Variants in LRP10 observed in about 807,000 individuals in gnomAD.
LRP10 encodes low-density lipoprotein receptor-related protein 10.
In LRP10, 42 loss-of-function variants were observed where a neutral mutation model predicts 58.5. The ratio of observed to expected loss-of-function variants is 0.72; its 90% CI spans 0.56 to 0.93. The LOEUF (loss-of-function observed/expected upper bound fraction) is 0.93, where lower values mean the gene tolerates loss of function less well. Among genes scored for constraint, LRP10 ranks in the 40% least tolerant of loss-of-function variants. The probability of loss-of-function intolerance (pLI) is 0.00; values close to 1 mark genes in which losing one functional copy is unlikely to be tolerated. For synonymous variants in LRP10, 377 were observed against 388.5 expected (o/e 0.97, Z 0.35); for missense variants, 872 against 940.1 (o/e 0.93, Z 0.95).
rs569902563 is a variant in LRP10 at position 22,877,302 on chromosome 14, G to A, written c.1917G>A (p.Gly639=). 801 of 1,611,918 alleles carry A rather than the reference G, an allele frequency of 5.0e-4. 12 individuals are homozygous for A. In the South Asian group the frequency reaches 8.3e-3, roughly 17 times the overall value. ...PAPTTVPEAP[G]PLPSLPLEPS... is the part of the protein sequence containing the mutation. ...CCACTACTGTCCCTGAAGCCCCAGGGCCACTGCCCTCACTGCCCCTAGAGC... is the reference window on the plus strand; with the variant it reads ...CCACTACTGTCCCTGAAGCCCCAGGACCACTGCCCTCACTGCCCCTAGAGC... Residue 639 remains glycine (G), a synonymous_variant, in exon 7 of 7, where the codon GGG becomes GGA. Transcript: ENST00000359591. This position sits in a 1 kb window ranked among gnomAD's most constrained non-coding sequence, Gnocchi z 5.1.
chr14:22,876,522 C>G, intron 5 of LRP10, 150 bp downstream of exon 5: 1 of 1,325,554 alleles, frequency 7.5e-7, no homozygotes. Flanking sequence ...AGGTCCAGAT[C>G]CTGAAAGCAG....
At position 22,876,134 on chromosome 14, in the gene LRP10, T is replaced by C. The variant is rs2040002921; in HGVS notation, c.1186T>C (p.Cys396Arg). ...FCADGADERR[C>R]RHCQPGNFRC... ...TGCTGATGGAGCAGATGAGAGACGCTGTCGGCATTGCCAGCCTGGCAATTT... is the reference window on the plus strand; with the variant it reads ...TGCTGATGGAGCAGATGAGAGACGCCGTCGGCATTGCCAGCCTGGCAATTT... The change falls in exon 5 of 7, where the codon TGT (cysteine) becomes CGT (arginine). Residue 396 changes from cysteine (C) to arginine (R), a missense_variant. Transcript: ENST00000359591. 1.2e-6 allele frequency: 2 copies of C among 1,614,214 alleles called. No homozygotes were observed. Among genetic ancestry groups the C allele is most frequent in the Non-Finnish European group, 8.5e-7 (1 of 1,180,048 alleles).
In LRP10 at chr14:22,875,542, C is replaced by G; in HGVS notation, c.594C>G (p.Asp198Glu). ...TGCCTTGCAATGTCACCTTGGAGGA[C>G]TTCTATGGGGTCTTCTCCTCTCCTG... The part of the protein sequence containing the change: ...PSLPCNVTLE[D>E]FYGVFSSPGY... The change falls in exon 5 of 7, where the codon GAC (aspartate) becomes GAG (glutamate). Residue 198 changes from aspartate to glutamate, a missense_variant. Asp to Glu is a conservative substitution (Grantham distance 45, BLOSUM62 2). Coordinates refer to ENST00000359591, the MANE Select transcript of LRP10 (RefSeq NM_014045.5). 1 of 1,614,160 alleles carries G rather than the reference C, an allele frequency of 6.2e-7. No individual in the cohort carries two copies. The highest frequency in any genetic ancestry group is 1.1e-5 in the South Asian group (1 of 91,084).
intron 3 of LRP10, among the ~76,000 whole-genome samples, chr14:22,874,265 A>G (rs910657924): frequency 1.3e-5 from 2 of 152,198 alleles, no homozygotes; most frequent in African/African-American, 4.8e-5. Flanking sequence ...GTAGGCAAAG[A>G]GAGAGGGCAA....
rs1238236489 is a variant in LRP10, at chr14:22,879,458, C to G, written c.*1931C>G. 1.5e-5 allele frequency: 4 copies of G among 264,710 alleles called. No homozygotes were observed. Among genetic ancestry groups the G allele is most frequent in the Non-Finnish European group, 3.2e-5 (4 of 123,744 alleles). 16.4% of individuals were successfully genotyped at this position (264,710 alleles called of 1,614,324 possible). A position where few individuals can be genotyped will look rare whatever the true frequency, so the allele number is the denominator to read the frequency against. On this transcript the variant is annotated 3_prime_UTR_variant, in exon 7 of 7. Coordinates refer to ENST00000359591, the MANE Select transcript of LRP10 (RefSeq NM_014045.5). Reference sequence around the variant, plus strand: ...AGCAGTGATTTTCCCTCCCCTGCCTCTCCATAGCCTGGTCTTTTGCCCTCT... The same window carrying G: ...AGCAGTGATTTTCCCTCCCCTGCCTGTCCATAGCCTGGTCTTTTGCCCTCT...
rs756930735 is a variant in LRP10 at position 22,877,166 on chromosome 14, G to A, written c.1781G>A (p.Gly594Asp). The change falls in exon 7 of 7, where the codon GGT becomes GAT. Residue 594 changes from glycine (G) to aspartate (D), a missense_variant. Gly to Asp is a moderately conservative substitution (Grantham distance 94, BLOSUM62 -1). Coordinates refer to ENST00000359591, the MANE Select transcript of LRP10 (RefSeq NM_014045.5). The surrounding 1 kb of genome is among the most constrained non-coding windows in gnomAD (Gnocchi z 5.1). ...PSAAPLEALD[G>D]GTGPAREGGA... ...GCTGCTCCCCTTGAGGCCCTAGATGGTGGCACAGGTCCAGCCCGTGAGGGC... is the reference window on the plus strand; with the variant it reads ...GCTGCTCCCCTTGAGGCCCTAGATGATGGCACAGGTCCAGCCCGTGAGGGC... 1.9e-6 allele frequency: 3 copies of A among 1,603,814 alleles called. No individual in the cohort carries two copies. In the South Asian group the frequency reaches 3.3e-5, roughly 18 times the overall value.
At position 22,873,366 on chromosome 14, in the gene LRP10, C is replaced by T. The variant is rs144815201; in HGVS notation, c.135C>T (p.Pro45=). The change falls in exon 3 of 7, where the codon CCC becomes CCT. Residue 45 remains proline (P), a synonymous_variant. Coordinates refer to ENST00000359591, the MANE Select transcript of LRP10 (RefSeq NM_014045.5). ...LLEVQGTLQR[P]LVRDSRTSPA... The stretch of plus-strand genomic sequence containing the variant: ...AAGTGCAGGGCACCTTACAGAGGCC[C>T]CTGGTCCGGGACAGCCGCACCTCCC... 3 of 1,614,020 alleles carry T rather than the reference C, an allele frequency of 1.9e-6. No individual in the cohort carries two copies. In the African/African-American group the frequency reaches 4.0e-5, roughly 22 times the overall value.
Position 22,877,102 on chromosome 14 carries a change from G to A in LRP10, c.1717G>A (p.Ala573Thr). The change falls in exon 7 of 7, where the codon GCT (alanine) becomes ACT (threonine). Residue 573 changes from alanine (A) to threonine (T), a missense_variant. Ala to Thr is a moderately conservative substitution (Grantham distance 58). Coordinates refer to ENST00000359591, the MANE Select transcript of LRP10 (RefSeq NM_014045.5). The surrounding 1 kb of genome is among the most constrained non-coding windows in gnomAD (Gnocchi z 5.1). ...CTTGCTCCCTCGAACCAACACCCCG[G>A]CTCGGGCCTCTGAGGCCAGATCCCA... ...WGLLPRTNTP[A>T]RASEARSQVT... 1 of 1,613,594 alleles carries A rather than the reference G, an allele frequency of 6.2e-7. No homozygotes were observed. Among genetic ancestry groups the A allele is most frequent in the East Asian group, 2.2e-5 (1 of 44,880 alleles).
chr14:22,874,940 T>C, intron 3 of LRP10, 115 bp from the exon 4 acceptor site: 2 of 618,048 alleles, frequency 3.2e-6, no homozygotes, highest in South Asian at 3.8e-5. Context: ...ATTTAGATCA[T>C]GGATAAGCAG....
chr14:22,872,347 G>A lies in LRP10; in HGVS notation c.34+10G>A, dbSNP rs1348098210. ...CTCCTCCTCCTCCTTGGTAAGAACC[G>A]AAACGATACCAACCCCCAGCCTTCT... On this transcript the variant is annotated intron_variant, in intron 1 of 6. Coordinates refer to ENST00000359591, the MANE Select transcript of LRP10 (RefSeq NM_014045.5). 4.3e-6 allele frequency: 7 copies of A among 1,613,924 alleles called. No individual in the cohort carries two copies. Among genetic ancestry groups the A allele is most frequent in the Non-Finnish European group, 4.2e-6 (5 of 1,179,918 alleles).
chr14:22,877,340 C>T lies in LRP10; in HGVS notation c.1955C>T (p.Ser652Phe). 1 of 1,612,842 alleles carries T rather than the reference C, an allele frequency of 6.2e-7. No individual in the cohort carries two copies. Among genetic ancestry groups the T allele is most frequent in the South Asian group, 1.1e-5 (1 of 90,908 alleles). ...PSLPLEPSLL[S>F]GVVQALRGRL... The stretch of plus-strand genomic sequence containing the variant: ...CTGCCCCTAGAGCCATCACTATTGT[C>T]TGGAGTGGTGCAGGCCCTGCGAGGC... Residue 652 changes from serine (S) to phenylalanine (F), a missense_variant, in exon 7 of 7, where the codon TCT (serine) becomes TTT (phenylalanine). Transcript: ENST00000359591. The surrounding 1 kb of genome is among the most constrained non-coding windows in gnomAD (Gnocchi z 5.1).
At position 22,879,210 on chromosome 14, in the gene LRP10, C is replaced by T. The variant is rs2040038042; in HGVS notation, c.*1683C>T. ...TTCCTCTCTTCTAGTGAGCAAGAGCCTGAGGAAGTAGCAGAGAGGGGTGTG... is the reference window on the plus strand; with the variant it reads ...TTCCTCTCTTCTAGTGAGCAAGAGCTTGAGGAAGTAGCAGAGAGGGGTGTG... On this transcript the variant is annotated 3_prime_UTR_variant, in exon 7 of 7. Coordinates refer to ENST00000359591, the MANE Select transcript of LRP10 (RefSeq NM_014045.5). 3 of 456,520 alleles carry T rather than the reference C, an allele frequency of 6.6e-6. No homozygotes were observed. Among genetic ancestry groups the T allele is most frequent in the Non-Finnish European group, 1.3e-5 (3 of 226,952 alleles). 28.3% of individuals were successfully genotyped at this position (456,520 alleles called of 1,614,324 possible).
Position 22,877,264 on chromosome 14 carries a change from A to G in LRP10, c.1879A>G (p.Thr627Ala). 2 of 1,611,300 alleles carry G rather than the reference A, an allele frequency of 1.2e-6. No homozygotes were observed. Among genetic ancestry groups the G allele is most frequent in the Non-Finnish European group, 1.7e-6 (2 of 1,178,552 alleles). ...CAAGGCTCCCCTCCCATCTGCTAGC[A>G]CGTCTCCAGCCCCCACTACTGTCCC... ...PIKAPLPSAS[T>A]SPAPTTVPEA... The change falls in exon 7 of 7, where the codon ACG becomes GCG. Residue 627 changes from threonine (T) to alanine (A), a missense_variant. By Grantham distance (58) the Thr-to-Ala change is moderately conservative. Transcript: ENST00000359591. The surrounding 1 kb of genome is among the most constrained non-coding windows in gnomAD (Gnocchi z 5.1).
At chr14:22,873,820 C>T (rs996939687) in intron 3 of LRP10, among the ~76,000 whole-genome samples, 75 of 152,330 alleles carry the variant, frequency 4.9e-4, no homozygotes, top group African/African-American at 1.8e-3. Flanking sequence ...AGCCACTGGG[C>T]CTGGCCCATT....
chr14:22,873,695 T>G (rs1250357521), intron 3 of LRP10, among the ~76,000 whole-genome samples: 1 of 152,002 alleles, frequency 6.6e-6, no homozygotes, highest in Non-Finnish European at 1.5e-5. Context: ...CAGCTAACTT[T>G]TTTGTATTTT....
rs747622664 is a variant in LRP10 at position 22,875,711 on chromosome 14, C to T, written c.763C>T (p.Pro255Ser). The T allele has an allele frequency of 1.9e-6, 3 of 1,613,748 alleles. No homozygotes were observed. In the South Asian group the frequency reaches 3.3e-5, roughly 18 times the overall value. The change falls in exon 5 of 7, where the codon CCC (proline) becomes TCC (serine). Residue 255 changes from proline (P) to serine (S), a missense_variant. Coordinates refer to ENST00000359591, the MANE Select transcript of LRP10 (RefSeq NM_014045.5). ...DAVHVYDGPG[P>S]PESSRLLRSL... ...AGTGCATGTGTATGACGGCCCTGGGCCCCCTGAGAGCTCCCGACTACTGCG... is the reference window on the plus strand; with the variant it reads ...AGTGCATGTGTATGACGGCCCTGGGTCCCCTGAGAGCTCCCGACTACTGCG...
At chr14:22,873,815 C>T (rs1191788980) in intron 3 of LRP10, among the ~76,000 whole-genome samples, 1 of 152,266 alleles carries the variant, frequency 6.6e-6, no homozygotes, top group Admixed American at 6.5e-5. Context: ...GCATGAGCCA[C>T]TGGGCCTGGC....
intron 2 of LRP10, 100 bp from the exon 3 acceptor site, chr14:22,873,211 A>C (rs1408907562): frequency 2.1e-6 from 3 of 1,452,004 alleles, no homozygotes; most frequent in African/African-American, 1.4e-5. Context: ...TCCTCCTTGC[A>C]GAGCCCAGAC....
At chr14:22,872,887 G>A (rs745900682) in intron 2 of LRP10, 105 bp downstream of exon 2, 7 of 1,186,640 alleles carry the variant, frequency 5.9e-6, no homozygotes, top group African/African-American at 1.5e-5. Flanking sequence ...AAGTTTTAGA[G>A]GGGAGATAAT....
Sources: gnomAD v4.1 joint callset for allele counts (sites outside exome capture counted in the v4.1 genomes callset) on GRCh38, gnomAD v4.1.1 for gene constraint, Gnocchi (gnomAD v3.1) non-coding constraint, MANE v1.5 for transcripts, NCBI Gene and HGNC (gene_info 2026-07-23, HGNC 2026-07-21) for gene names.